RADIL: variants seen among roughly 807,000 people sequenced by gnomAD.
RADIL encodes ras-associating and dilute domain-containing protein.
In RADIL, 99 loss-of-function variants were observed where a neutral mutation model predicts 97.6. That is an observed-to-expected ratio of 1.01 (90% CI 0.86 to 1.20). RADIL has a LOEUF of 1.20. RADIL is among the 50% of genes most tolerant of loss of function. The pLI, the probability that RADIL is intolerant of heterozygous loss-of-function variation, is 0.00. For synonymous variants in RADIL, 803 were observed against 691.8 expected (o/e 1.16, Z -2.52); for missense variants, 1,765 against 1,498.9 (o/e 1.18, Z -2.93).
rs867552253 is a variant in RADIL at position 4,873,673 on chromosome 7, G to A, written c.535+3932C>T. On this transcript the variant is annotated intron_variant, in intron 2 of 14. Transcript: ENST00000399583. The surrounding 1 kb of genome is among the most constrained non-coding windows in gnomAD (Gnocchi z 4.3). ...GCAGCCCCCCACCTTCCCCCAAAGCGACACGGTGACACATGCCCCACACTG... is the reference window on the plus strand; with the variant it reads ...GCAGCCCCCCACCTTCCCCCAAAGCAACACGGTGACACATGCCCCACACTG... Among the ~76,000 whole-genome samples, 23 of 152,222 alleles carry A rather than the reference G, an allele frequency of 1.5e-4. No homozygotes were observed. Among genetic ancestry groups the A allele is most frequent in the South Asian group, 1.5e-3 (7 of 4,818 alleles).
At position 4,818,899 on chromosome 7, in the gene RADIL, C is replaced by T. The variant is rs971560690; in HGVS notation, c.1616-1548G>A. Among the ~76,000 whole-genome samples, 4 of 152,134 alleles carry T rather than the reference C, an allele frequency of 2.6e-5. No homozygotes were observed. Among genetic ancestry groups the T allele is most frequent in the Non-Finnish European group, 5.9e-5 (4 of 68,020 alleles). On this transcript the variant is annotated intron_variant, in intron 6 of 14. Transcript: ENST00000399583. This position sits in a 1 kb window ranked among gnomAD's most constrained non-coding sequence, Gnocchi z 7.1. ...GCAGCCTCCAGCCACCCACCACGGG[C>T]CTGAGACTCCATTTCTTCTTTTATT... is the stretch of plus-strand genomic sequence containing the variant.
intron 2 of RADIL, among the ~76,000 whole-genome samples, chr7:4,864,699 C>T (rs1293071801): frequency 1.3e-5 from 2 of 152,182 alleles, no homozygotes; most frequent in African/African-American, 2.4e-5. Flanking sequence ...ACATCCAATT[C>T]ATTTACAAGT....
In RADIL at chr7:4,834,377, C is replaced by T. The variant is rs1158828694; in HGVS notation, c.1416+230G>A. On this transcript the variant is annotated intron_variant, in intron 4 of 14. Transcript: ENST00000399583. This position sits in a 1 kb window ranked among gnomAD's most constrained non-coding sequence, Gnocchi z 6.0. Reference sequence around the variant, plus strand: ...GTGACCTAGGACCCCACGCAAACCCCACCCTCAGGGGCAAAGGGCTGCAGC... The same window carrying T: ...GTGACCTAGGACCCCACGCAAACCCTACCCTCAGGGGCAAAGGGCTGCAGC... Among the ~76,000 whole-genome samples the T allele has an allele frequency of 1.3e-5, 2 of 152,162 alleles. No homozygotes were observed. The highest frequency in any genetic ancestry group is 1.3e-4 in the Admixed American group (2 of 15,288).
At position 4,834,715 on chromosome 7, in the gene RADIL, G is replaced by C. The variant is rs540883493; in HGVS notation, c.1308C>G (p.Pro436=). 23 of 1,411,650 alleles carry C rather than the reference G, an allele frequency of 1.6e-5. No individual in the cohort carries two copies. In the Admixed American group the frequency reaches 5.2e-4, roughly 32 times the overall value. The allele number at this position is 1,411,650 out of a possible 1,614,324, so 87.4% of individuals were successfully genotyped here. Residue 436 remains proline, a synonymous_variant, in exon 4 of 15, where the codon CCC becomes CCG. Coordinates refer to ENST00000399583, the MANE Select transcript of RADIL (RefSeq NM_018059.5). This position sits in a 1 kb window ranked among gnomAD's most constrained non-coding sequence, Gnocchi z 6.0. ...EPGGDDHKLT[P]AFLLCLCIQH... is the part of the protein sequence containing the mutation. ...GGATGCAGAGGCACAGGAGGAAGGCGGGGGTCAGCTTGTGGTCGTCGCCCC... is the reference window on the plus strand; with the variant it reads ...GGATGCAGAGGCACAGGAGGAAGGCCGGGGTCAGCTTGTGGTCGTCGCCCC...
rs770212751 is a variant in RADIL at position 4,800,291 on chromosome 7, C to T, written c.2862G>A (p.Ala954=). The T allele has an allele frequency of 1.0e-5, 15 of 1,497,866 alleles. No homozygotes were observed. The highest frequency in any genetic ancestry group is 8.2e-5 in the South Asian group (6 of 73,312). 92.8% of individuals were successfully genotyped at this position (1,497,866 alleles called of 1,614,324 possible). ...TGGACGGGGCTGGAGGGGACTCCTC[C>T]GCAAGGGCTGCAGAGTCTCCTGGGT... The part of the protein sequence containing the change: ...AAPEGDSAAL[A]EESPPAPSSR... The change falls in exon 13 of 15, where the codon GCG becomes GCA. Residue 954 remains alanine (A), a synonymous_variant. Transcript: ENST00000399583.
intron 11 of RADIL, 68 bp downstream of exon 11, chr7:4,803,478 C>A (rs1430307490): frequency 3.7e-6 from 5 of 1,351,904 alleles, no homozygotes; most frequent in Non-Finnish European, 4.9e-6. Context: ...CACCTCGGGG[C>A]ACGCTGGCTG....
chr7:4,827,419 G>A (rs540205136), intron 5 of RADIL, among the ~76,000 whole-genome samples: 10 of 151,834 alleles, frequency 6.6e-5, no homozygotes, highest in African/African-American at 2.2e-4. Context: ...CAGCACTTTG[G>A]GAGGCCGAGG....
chr7:4,812,543 T>G (rs1194937412), intron 9 of RADIL, among the ~76,000 whole-genome samples: 4 of 152,182 alleles, frequency 2.6e-5, no homozygotes, highest in Non-Finnish European at 5.9e-5. Context: ...TGCCTCAGCC[T>G]CCCAAGTAGC....
chr7:4,867,745 A>T lies in RADIL; in HGVS notation c.535+9860T>A, dbSNP rs1784161675. Among the ~76,000 whole-genome samples the T allele has an allele frequency of 1.3e-5, 2 of 152,246 alleles. No homozygotes were observed. Among genetic ancestry groups the T allele is most frequent in the Non-Finnish European group, 2.9e-5 (2 of 68,040 alleles). On this transcript the variant is annotated intron_variant, in intron 2 of 14. Transcript: ENST00000399583. This position sits in a 1 kb window ranked among gnomAD's most constrained non-coding sequence, Gnocchi z 4.1. ...ATATACAAAATATTATTTATGTATT[A>T]AGGATACATATGAATCCAAATATAT... is the stretch of plus-strand genomic sequence containing the variant.
chr7:4,801,443 G>A (rs915713915), intron 12 of RADIL, among the ~76,000 whole-genome samples: 3 of 152,218 alleles, frequency 2.0e-5, no homozygotes, highest in Non-Finnish European at 4.4e-5. Context: ...TGCCCAAGAC[G>A]TGTCAGCGAC....
At chr7:4,871,590 C>A (rs1438344805) in intron 2 of RADIL, among the ~76,000 whole-genome samples, 1 of 152,228 alleles carries the variant, frequency 6.6e-6, no homozygotes, top group African/African-American at 2.4e-5. Flanking sequence ...CAGCCCACCA[C>A]GCCGCCAGGT....
chr7:4,834,870 C>G lies in RADIL; in HGVS notation c.1153G>C (p.Ala385Pro). ...VPQSCRLCGA[A>P]LGARGAASPT... ...GAGGCGGCTCCCCGGGCCCCGAGCG[C>G]GGCCCCGCACAGCCGGCAGCTCTGC... Residue 385 changes from alanine to proline, a missense_variant, in exon 4 of 15, where the codon GCG becomes CCG. Ala to Pro is a conservative substitution (Grantham distance 27, BLOSUM62 -1). Transcript: ENST00000399583. This position sits in a 1 kb window ranked among gnomAD's most constrained non-coding sequence, Gnocchi z 6.0. 3 of 1,345,586 alleles carry G rather than the reference C, an allele frequency of 2.2e-6. No homozygotes were observed. Among genetic ancestry groups the G allele is most frequent in the Admixed American group, 8.0e-5 (2 of 24,964 alleles). 83.4% of individuals were successfully genotyped at this position (1,345,586 alleles called of 1,614,324 possible).
intron 2 of RADIL, 151 bp from the exon 3 acceptor site, chr7:4,836,756 A>G (rs3763382): frequency 0.53 from 506,942 of 955,524 alleles, 141,393 homozygotes; most frequent in African/African-American, 0.86. Context: ...TGGCCAACAC[A>G]GTGAAACCCC....
At position 4,878,006 on chromosome 7, in the gene RADIL, C is replaced by A; in HGVS notation, c.134G>T (p.Ser45Ile). The A allele has an allele frequency of 6.2e-7, 1 of 1,611,402 alleles. No individual in the cohort carries two copies. The highest frequency in any genetic ancestry group is 8.5e-7 in the Non-Finnish European group (1 of 1,179,510). Residue 45 changes from serine to isoleucine, a missense_variant, in exon 2 of 15, where the codon AGC (serine) becomes ATC (isoleucine). Physicochemically the swap from Ser to Ile is moderately radical, Grantham distance 142 (BLOSUM62 -2). Transcript: ENST00000399583. This position sits in a 1 kb window ranked among gnomAD's most constrained non-coding sequence, Gnocchi z 4.1. ...GGCGGGGTCATCGCTGGCGCCCAGG[C>A]TGGAGAAGGTGGAGTCCAGGTCCCG... ...KYRDLDSTFSSLGASDDPAEL... is the reference protein window; with the variant it reads ...KYRDLDSTFSILGASDDPAEL...
chr7:4,810,862 G>C (rs191883614), intron 9 of RADIL, among the ~76,000 whole-genome samples: 14 of 152,316 alleles, frequency 9.2e-5, no homozygotes, highest in African/African-American at 3.4e-4. Flanking sequence ...TAGGCCGGGC[G>C]TGGTGGCTCA....
At position 4,817,304 on chromosome 7, in the gene RADIL, C is replaced by T. The variant is rs1012766168; in HGVS notation, c.1663G>A (p.Ala555Thr). The change falls in exon 7 of 15, where the codon GCC becomes ACC. Residue 555 changes from alanine (A) to threonine (T), a missense_variant. Ala to Thr is a moderately conservative substitution (Grantham distance 58). Coordinates refer to ENST00000399583, the MANE Select transcript of RADIL (RefSeq NM_018059.5). This position sits in a 1 kb window ranked among gnomAD's most constrained non-coding sequence, Gnocchi z 8.3. ...ACCACCTCCTCCAGCACCGCCATGG[C>T]CTCCTCGCTGGCCGTCAGCGTGCAG... Reference protein sequence around the residue: ...FSCTLTASEEAMAVLEEVVLY... With the variant: ...FSCTLTASEETMAVLEEVVLY... The T allele has an allele frequency of 9.3e-6, 15 of 1,612,558 alleles. No individual in the cohort carries two copies. Among genetic ancestry groups the T allele is most frequent in the African/African-American group, 1.3e-5 (1 of 74,922 alleles).
chr7:4,826,562 GTC>G (rs759896924), intron 5 of RADIL, among the ~76,000 whole-genome samples: 1 of 151,578 alleles, frequency 6.6e-6, no homozygotes, highest in Non-Finnish European at 1.5e-5. Context: ...GTGAACCCCT[GTC>G]TCTACTAAAA....
chr7:4,806,951 C>CT (rs1782329167), intron 9 of RADIL, among the ~76,000 whole-genome samples: 1 of 152,192 alleles, frequency 6.6e-6, no homozygotes. Context: ...ACCCATCGTC[C>CT]TGCAGCCCTG....
rs549429445 is a variant in RADIL at position 4,803,275 on chromosome 7, C to T, written c.2499+271G>A. On this transcript the variant is annotated intron_variant, in intron 11 of 14. Coordinates refer to ENST00000399583, the MANE Select transcript of RADIL (RefSeq NM_018059.5). The stretch of plus-strand genomic sequence containing the variant: ...CACGCTGGCTGGGGGGCCCCCTCCC[C>T]GGGCACCTCGGGGCACGCTGGCTGG... 8.7e-4 allele frequency among the ~76,000 whole-genome samples: 101 copies of T among 115,866 alleles called. 9 individuals are homozygous for T. Among genetic ancestry groups the T allele is most frequent in the African/African-American group, 4.1e-3 (98 of 23,656 alleles). The allele number at this position is 115,866 out of a possible 152,430, so 76.0% of individuals were successfully genotyped here. A position where few individuals can be genotyped will look rare whatever the true frequency, so the allele number is the denominator to read the frequency against.
Sources: gnomAD v4.1 joint callset for allele counts (sites outside exome capture counted in the v4.1 genomes callset) on GRCh38, gnomAD v4.1.1 for gene constraint, Gnocchi (gnomAD v3.1) non-coding constraint, MANE v1.5 for transcripts, NCBI Gene and HGNC (gene_info 2026-07-23, HGNC 2026-07-21) for gene names.